The following RBFOX1 variants were observed in gnomAD, a reference collection of about 807,000 sequenced individuals.
RBFOX1 encodes the protein RNA binding fox-1 homolog 1.
RBFOX1 carries 8 observed loss-of-function variants against 57.7 expected under a neutral mutation model. The ratio of observed to expected loss-of-function variants is 0.14; its 90% CI spans 0.08 to 0.25. The LOEUF (loss-of-function observed/expected upper bound fraction) is 0.25, where lower values mean the gene tolerates loss of function less well. Ranked by LOEUF, RBFOX1 falls within the 10% of genes least tolerant of loss-of-function variation. The pLI is 1.00. For synonymous variants in RBFOX1, 326 were observed against 222.4 expected (o/e 1.47, Z -4.15); for missense variants, 611 against 548.5 (o/e 1.11, Z -1.14).
chr16:7,593,938 T>C (rs995009904), intron 7 of RBFOX1, among the ~76,000 whole-genome samples: 7 of 152,162 alleles, frequency 4.6e-5, no homozygotes, highest in African/African-American at 1.7e-4. Flanking sequence ...ATTCCGACTG[T>C]TGAAAAGTTC....
At chr16:6,436,824 T>C (rs1394141656) in intron 2 of RBFOX1, among the ~76,000 whole-genome samples, 7 of 152,054 alleles carry the variant, frequency 4.6e-5, no homozygotes, top group African/African-American at 1.7e-4. Context: ...ATTGAATAAA[T>C]TAGGGTTATG....
chr16:7,241,214 A>G (rs935471162), intron 4 of RBFOX1, among the ~76,000 whole-genome samples: 3 of 152,174 alleles, frequency 2.0e-5, no homozygotes, highest in African/African-American at 4.8e-5. Context: ...CACCTCTACC[A>G]TAAATCACAC....
chr16:6,855,843 C>G (rs1156281602), intron 3 of RBFOX1, among the ~76,000 whole-genome samples: 2 of 150,566 alleles, frequency 1.3e-5, no homozygotes. Flanking sequence ...CCTTCCCTCC[C>G]TCTTTCCCTC....
chr16:6,606,113 A>AG (rs1044933693), intron 2 of RBFOX1, among the ~76,000 whole-genome samples: 16 of 149,806 alleles, frequency 1.1e-4, no homozygotes, highest in Admixed American at 7.9e-4. Flanking sequence ...TGTCTCAAAA[A>AG]AGAAAAAAAA....
chr16:5,997,373 T>A (rs993924728), intron 4 of RBFOX1, among the ~76,000 whole-genome samples: 6 of 152,200 alleles, frequency 3.9e-5, no homozygotes, highest in Non-Finnish European at 8.8e-5. Context: ...TAGACTTGAG[T>A]CTGAAAGCAT....
At chr16:6,719,193 A>G (rs546096597) in intron 3 of RBFOX1, among the ~76,000 whole-genome samples, 1 of 152,244 alleles carries the variant, frequency 6.6e-6, no homozygotes, top group African/African-American at 2.4e-5. Context: ...TCTATGCAAA[A>G]ATGCTATTGA....
intron 2 of RBFOX1, among the ~76,000 whole-genome samples, chr16:6,510,010 G>A (rs978832812): frequency 6.6e-6 from 1 of 152,028 alleles, no homozygotes; most frequent in Non-Finnish European, 1.5e-5. Flanking sequence ...GCGATTCAGG[G>A]CAGGGGTGGT....
At chr16:7,354,916 C>G (rs954541114) in intron 4 of RBFOX1, among the ~76,000 whole-genome samples, 1 of 152,198 alleles carries the variant, frequency 6.6e-6, no homozygotes, top group African/African-American at 2.4e-5. Context: ...GTATTGCTAT[C>G]TTGTGGTCTC....
At chr16:5,427,029 AC>A (rs1466281882) in intron 1 of RBFOX1, among the ~76,000 whole-genome samples, 1 of 151,644 alleles carries the variant, frequency 6.6e-6, no homozygotes, top group Non-Finnish European at 1.5e-5. Context: ...CTTTCATGCC[AC>A]CTCCTCTGTT....
intron 2 of RBFOX1, among the ~76,000 whole-genome samples, chr16:5,510,109 T>A (rs1220000192): frequency 2.0e-5 from 3 of 152,214 alleles, no homozygotes; most frequent in Non-Finnish European, 4.4e-5. Context: ...TCAGAATGGA[T>A]GCAGGCTGAA....
chr16:6,628,824 A>T (rs1386448525), intron 2 of RBFOX1, among the ~76,000 whole-genome samples: 4 of 152,152 alleles, frequency 2.6e-5, no homozygotes, highest in African/African-American at 9.7e-5. Context: ...TTATTAGAAA[A>T]AGAATCACAG....
chr16:6,247,976 G>T (rs1198411305), intron 1 of RBFOX1, among the ~76,000 whole-genome samples: 2 of 152,134 alleles, frequency 1.3e-5, no homozygotes, highest in African/African-American at 4.8e-5. Context: ...ATCCCTTTGT[G>T]TTCTGACATT....
chr16:5,926,803 T>G (rs1425067536), intron 4 of RBFOX1, among the ~76,000 whole-genome samples: 1 of 152,176 alleles, frequency 6.6e-6, no homozygotes, highest in Non-Finnish European at 1.5e-5. Context: ...TTAACAATAA[T>G]AGAAAACAGT....
intron 5 of RBFOX1, among the ~76,000 whole-genome samples, chr16:7,535,903 A>T (rs929647449): frequency 5.9e-5 from 9 of 152,310 alleles, no homozygotes; most frequent in Admixed American, 2.6e-4. Context: ...TTGTTCATTT[A>T]TTCCTGAATA....
chr16:5,259,728 G>T (rs113931320), intron 1 of RBFOX1, among the ~76,000 whole-genome samples: 3 of 152,340 alleles, frequency 2.0e-5, no homozygotes, highest in African/African-American at 7.2e-5. Context: ...CAGCTTAAGT[G>T]GAGGTCTTGC....
At chr16:6,899,100 C>T (rs957542624) in intron 3 of RBFOX1, among the ~76,000 whole-genome samples, 2 of 143,224 alleles carry the variant, frequency 1.4e-5, no homozygotes, top group Admixed American at 6.9e-5. Flanking sequence ...AATGTGTGTA[C>T]ATCTGTGTAT....
intron 3 of RBFOX1, among the ~76,000 whole-genome samples, chr16:6,927,089 C>G (rs765587963): frequency 2.0e-5 from 3 of 152,004 alleles, no homozygotes; most frequent in African/African-American, 7.2e-5. Context: ...GGGCCTCAAG[C>G]TTGAGTTTGC....
chr16:7,292,438 A>T (rs1362828293), intron 4 of RBFOX1, among the ~76,000 whole-genome samples: 1 of 143,190 alleles, frequency 7.0e-6, no homozygotes, highest in Admixed American at 7.3e-5. Flanking sequence ...ATTATATATA[A>T]TATATAATAT....
chr16:6,608,837 T>C (rs1487048700), intron 2 of RBFOX1, among the ~76,000 whole-genome samples: 1 of 152,236 alleles, frequency 6.6e-6, no homozygotes, highest in Admixed American at 6.5e-5. Flanking sequence ...GCAGTGTGTC[T>C]CACTGGACTA....
Sources: allele counts gnomAD v4.1 joint callset (sites outside exome capture counted in the v4.1 genomes callset), GRCh38; gene constraint gnomAD v4.1.1; transcripts MANE v1.5; gene names NCBI Gene and HGNC (gene_info 2026-07-23, HGNC 2026-07-21).